The following HTD2 variants were observed in gnomAD, a reference collection of about 807,000 sequenced individuals.
HTD2 encodes the protein hydroxyacyl-thioester dehydratase type 2, also known as hydroxyacyl-thioester dehydratase type 2, mitochondrial.
A neutral mutation model predicts 3.1 loss-of-function variants in HTD2; 1 was observed. The observed-to-expected ratio is 0.32, with a 90% CI of 0.11 to 1.52. The LOEUF (loss-of-function observed/expected upper bound fraction) is 1.52. HTD2 is among the 40% of genes most tolerant of loss of function. The pLI is 0.39. For synonymous variants in HTD2, 50 were observed against 28.9 expected (o/e 1.73, Z -2.34); for missense variants, 150 against 79.6 (o/e 1.88, Z -3.36).
chr3:58,307,278 A>G (rs1457489548), intron 1 of HTD2, among the ~76,000 whole-genome samples: 1 of 152,238 alleles, frequency 6.6e-6, no homozygotes, highest in African/African-American at 2.4e-5. Flanking sequence ...AACGGGAACC[A>G]TAGCAAGATT....
intron 1 of HTD2, 60 bp downstream of exon 1, chr3:58,306,711 A>C (rs1302583870): frequency 6.6e-6 from 1 of 152,282 alleles, no homozygotes; most frequent in Non-Finnish European, 1.5e-5. Context: ...CTCAGCAGTA[A>C]GGATATTGAG....
At chr3:58,310,149 G>A (rs1575543260) in intron 1 of HTD2, 1 of 598,194 alleles carries the variant, frequency 1.7e-6, no homozygotes, top group East Asian at 2.8e-5. Context: ...GGAGGCTGCA[G>A]TGAACTCTGA....
At chr3:58,309,745 AGC>A (rs1159095545) in intron 1 of HTD2, among the ~76,000 whole-genome samples, 1 of 152,086 alleles carries the variant, frequency 6.6e-6, no homozygotes, top group Non-Finnish European at 1.5e-5. Flanking sequence ...CAAAAAAGGT[AGC>A]CGGGCGTGGT....
chr3:58,309,843 GA>G (rs1160015822), intron 1 of HTD2, among the ~76,000 whole-genome samples: 1 of 152,046 alleles, frequency 6.6e-6, no homozygotes, highest in Non-Finnish European at 1.5e-5. Context: ...AGTGAGCCAA[GA>G]TTGTGCCACT....
intron 1 of HTD2, among the ~76,000 whole-genome samples, chr3:58,308,250 G>C (rs553428954): frequency 6.6e-6 from 1 of 152,116 alleles, no homozygotes; most frequent in South Asian, 2.1e-4. Context: ...TCTCTCATTT[G>C]AATACCTACT....
chr3:58,307,192 G>A (rs772326597), intron 1 of HTD2, among the ~76,000 whole-genome samples: 46 of 152,366 alleles, frequency 3.0e-4, no homozygotes, highest in Admixed American at 3.9e-4. Context: ...GAAGTCAGAG[G>A]TGTAGAGGGA....
At chr3:58,315,695 A>G (rs2097487517) in intron 2 of HTD2, 1 of 152,196 alleles carries the variant, frequency 6.6e-6, no homozygotes, top group Admixed American at 6.5e-5. Flanking sequence ...TTTATTTTTG[A>G]AACAGAGTTT....
rs1247705806 is a variant in HTD2, at chr3:58,319,369, A to C, written c.*1249A>C. On this transcript the variant is annotated 3_prime_UTR_variant, in exon 5 of 5. Coordinates refer to ENST00000461393, the MANE Select transcript of HTD2 (RefSeq NM_001348712.2). Reference sequence around the variant, plus strand: ...ACATGCCATGTGGGATAGTTGGTGGAGATGATAGATGGAGTTAAGCACAGG... The same window carrying C: ...ACATGCCATGTGGGATAGTTGGTGGCGATGATAGATGGAGTTAAGCACAGG... 1 of 152,148 alleles carries C rather than the reference A, an allele frequency of 6.6e-6. No homozygotes were observed. The highest frequency in any genetic ancestry group is 1.5e-5 in the Non-Finnish European group (1 of 68,036). The allele number at this position is 152,148 out of a possible 1,614,324, so 9.4% of individuals were successfully genotyped here.
intron 1 of HTD2, among the ~76,000 whole-genome samples, chr3:58,308,475 T>A (rs977154865): frequency 6.7e-6 from 1 of 149,100 alleles, no homozygotes; most frequent in Admixed American, 6.7e-5. Flanking sequence ...TTTTTTTTTT[T>A]AGTGACAGGG....
At position 58,317,805 on chromosome 3, in the gene HTD2, T is replaced by C. The variant is rs545672303; in HGVS notation, c.192T>C (p.Asn64=). 1.9e-4 allele frequency: 135 copies of C among 703,022 alleles called. 1 individual carries two copies. In the South Asian group the frequency reaches 1.9e-3, roughly 10 times the overall value. The allele number at this position is 703,022 out of a possible 1,614,324, so 43.5% of individuals were successfully genotyped here. A position where few individuals can be genotyped will look rare whatever the true frequency, so the allele number is the denominator to read the frequency against. Residue 64 remains asparagine (N), a synonymous_variant, in exon 5 of 5, where the codon AAT becomes AAC. Coordinates refer to ENST00000461393, the MANE Select transcript of HTD2 (RefSeq NM_001348712.2). ...TCTCAGAATTAACAGGGGATGTCAA[T>C]CCTTTGCATTTGAATGAAGACTTTG... ...ATFSELTGDV[N]PLHLNEDFAK... is the part of the protein sequence containing the mutation.
At chr3:58,312,768 C>T (rs1216430876) in intron 2 of HTD2, among the ~76,000 whole-genome samples, 1 of 151,976 alleles carries the variant, frequency 6.6e-6, no homozygotes, top group African/African-American at 2.4e-5. Flanking sequence ...TGAGACTAGC[C>T]TGGCCAACGT....
At chr3:58,316,430 T>A in intron 2 of HTD2, 85 bp from the exon 3 acceptor site, 1 of 1,279,286 alleles carries the variant, frequency 7.8e-7, no homozygotes, top group Middle Eastern at 1.9e-4. Context: ...GGAGAAAAGC[T>A]CAAAACTCAT....
chr3:58,311,649 G>T (rs944105804), intron 2 of HTD2, among the ~76,000 whole-genome samples: 2 of 149,136 alleles, frequency 1.3e-5, no homozygotes, highest in Non-Finnish European at 1.5e-5. Flanking sequence ...CCATTGATGG[G>T]CACTTAAGTT....
chr3:58,312,497 G>A (rs576487252), intron 2 of HTD2, among the ~76,000 whole-genome samples: 8 of 152,104 alleles, frequency 5.3e-5, no homozygotes, highest in South Asian at 4.1e-4. Context: ...CAGAAGTGAT[G>A]AATTTTGTTG....
chr3:58,316,609 A>G lies in HTD2; in HGVS notation c.-254+18A>G. 6.2e-7 allele frequency: 1 copy of G among 1,601,170 alleles called. No homozygotes were observed. Among genetic ancestry groups the G allele is most frequent in the East Asian group, 2.2e-5 (1 of 44,794 alleles). The stretch of plus-strand genomic sequence containing the variant: ...TGTAGCAGGTATGACAGAGAGTGGG[A>G]AATTTCTAGTATAACAGGGCAGAGA... On this transcript the variant is annotated intron_variant, in intron 3 of 4. Coordinates refer to ENST00000461393, the MANE Select transcript of HTD2 (RefSeq NM_001348712.2).
intron 2 of HTD2, among the ~76,000 whole-genome samples, chr3:58,314,169 G>T (rs965728331): frequency 3.3e-5 from 5 of 152,032 alleles, no homozygotes; most frequent in Non-Finnish European, 7.4e-5. Flanking sequence ...TGGCCAACAT[G>T]GCAAAACCCT....
chr3:58,316,563 T>C lies in HTD2; in HGVS notation c.-282T>C, dbSNP rs2097488487. 6 of 1,613,962 alleles carry C rather than the reference T, an allele frequency of 3.7e-6. No individual in the cohort carries two copies. The highest frequency in any genetic ancestry group is 5.1e-6 in the Non-Finnish European group (6 of 1,179,954). Reference sequence around the variant, plus strand: ...CATCCTAACCTATGAAGAGAAGACCTTGTCAGCCATCTTGAGAATATGTAG... The same window carrying C: ...CATCCTAACCTATGAAGAGAAGACCCTGTCAGCCATCTTGAGAATATGTAG... On this transcript the variant is annotated 5_prime_UTR_variant, in exon 3 of 5. Transcript: ENST00000461393.
chr3:58,316,822 C>A (rs769628438), intron 3 of HTD2, 93 bp from the exon 4 acceptor site: 294 of 1,161,868 alleles, frequency 2.5e-4, no homozygotes, highest in Non-Finnish European at 3.5e-4. Context: ...GTTATAGTTG[C>A]AAAGTCAGAA....
At chr3:58,313,929 G>A (rs528949582) in intron 2 of HTD2, among the ~76,000 whole-genome samples, 102 of 152,370 alleles carry the variant, frequency 6.7e-4, no homozygotes, top group African/African-American at 1.9e-3. Context: ...GCTCATGCCC[G>A]TAATCCCAAC....
Sources: gnomAD v4.1 joint callset for allele counts (sites outside exome capture counted in the v4.1 genomes callset) on GRCh38, gnomAD v4.1.1 for gene constraint, MANE v1.5 for transcripts, NCBI Gene and HGNC (gene_info 2026-07-23, HGNC 2026-07-21) for gene names.